The following CNTNAP2 variants were observed in gnomAD, a reference collection of about 807,000 sequenced individuals.
CNTNAP2 encodes the protein contactin associated protein 2.
CNTNAP2 carries 98 observed loss-of-function variants against 155.2 expected under a neutral mutation model. That is an observed-to-expected ratio of 0.63 (90% confidence interval 0.54 to 0.75). The LOEUF is 0.75. CNTNAP2 is among the 30% of genes least tolerant of loss of function. The pLI, the probability that CNTNAP2 is intolerant of heterozygous loss-of-function variation, is 0.00. For synonymous variants in CNTNAP2, 651 were observed against 631.2 expected, an observed-to-expected ratio of 1.03 and a Z score of -0.47; for missense variants, 1,727 against 1,688.1, an observed-to-expected ratio of 1.02 and a Z score of -0.40.
intron 12 of CNTNAP2, among the ~76,000 whole-genome samples, chr7:147,590,609 G>A (rs977887477): frequency 2.6e-5 from 4 of 152,074 alleles, no homozygotes; most frequent in Admixed American, 6.6e-5. Context: ...GCATGAGAAC[G>A]GACTAATATA....
chr7:147,781,458 G>A (rs1489661597), intron 13 of CNTNAP2, among the ~76,000 whole-genome samples: 4 of 152,194 alleles, frequency 2.6e-5, no homozygotes, highest in African/African-American at 9.7e-5. Context: ...AGCTTGGATA[G>A]TGCTGACGGG....
At chr7:146,571,743 T>A (rs1427914263) in intron 1 of CNTNAP2, among the ~76,000 whole-genome samples, 1 of 151,722 alleles carries the variant, frequency 6.6e-6, no homozygotes, top group Non-Finnish European at 1.5e-5. Context: ...TCTTTTTTTT[T>A]TTTTTTGAGA....
chr7:148,308,909 T>A (rs1230144300), intron 21 of CNTNAP2, among the ~76,000 whole-genome samples: 1 of 152,186 alleles, frequency 6.6e-6, no homozygotes, highest in Non-Finnish European at 1.5e-5. Context: ...CGTGAACTCA[T>A]CCTTTTTTAT....
intron 1 of CNTNAP2, among the ~76,000 whole-genome samples, chr7:146,388,710 C>G (rs956056487): frequency 1.3e-5 from 2 of 152,122 alleles, no homozygotes; most frequent in Non-Finnish European, 2.9e-5. Context: ...TTCATTCTTC[C>G]TATTATTTTT....
At chr7:147,549,514 G>T (rs1799809493) in intron 11 of CNTNAP2, among the ~76,000 whole-genome samples, 1 of 152,086 alleles carries the variant, frequency 6.6e-6, no homozygotes, top group East Asian at 1.9e-4. Context: ...AGATGATGGG[G>T]TTTTCTAAAT....
intron 1 of CNTNAP2, among the ~76,000 whole-genome samples, chr7:146,474,315 T>C (rs1796842818): frequency 6.7e-6 from 1 of 149,584 alleles, no homozygotes; most frequent in Non-Finnish European, 1.5e-5. Context: ...TATATTTCAT[T>C]TTCCCCAAAA....
At chr7:146,879,011 T>A (rs1562984405) in intron 3 of CNTNAP2, among the ~76,000 whole-genome samples, 1 of 152,208 alleles carries the variant, frequency 6.6e-6, no homozygotes, top group Non-Finnish European at 1.5e-5. Context: ...CTGTCTGGGT[T>A]GCTTTCAATC....
chr7:146,314,048 G>T (rs745849141), intron 1 of CNTNAP2, among the ~76,000 whole-genome samples: 4 of 152,104 alleles, frequency 2.6e-5, no homozygotes, highest in Non-Finnish European at 4.4e-5. Flanking sequence ...TATTTCTAGT[G>T]ATATGGGGTC....
intron 1 of CNTNAP2, among the ~76,000 whole-genome samples, chr7:146,363,960 G>T (rs1012923575): frequency 2.6e-5 from 4 of 152,064 alleles, no homozygotes; most frequent in Admixed American, 6.6e-5. Context: ...TAAATGGAAG[G>T]TTCAGCCTTT....
intron 21 of CNTNAP2, among the ~76,000 whole-genome samples, chr7:148,276,178 G>A (rs545961792): frequency 4.6e-5 from 7 of 152,258 alleles, no homozygotes; most frequent in Middle Eastern, 3.4e-3. Flanking sequence ...ATAGGACTAC[G>A]CAGTTGTATG....
chr7:147,801,262 G>A (rs538726033), intron 13 of CNTNAP2, among the ~76,000 whole-genome samples: 2 of 147,066 alleles, frequency 1.4e-5, no homozygotes, highest in South Asian at 4.3e-4. Flanking sequence ...CGTGTATCAT[G>A]TATATGCATG....
intron 14 of CNTNAP2, among the ~76,000 whole-genome samples, chr7:147,969,709 C>A (rs1049936790): frequency 6.6e-6 from 1 of 152,004 alleles, no homozygotes; most frequent in African/African-American, 2.4e-5. Flanking sequence ...TAAAAATTCG[C>A]CATACTTTTA....
intron 12 of CNTNAP2, among the ~76,000 whole-genome samples, chr7:147,579,560 G>A (rs894350879): frequency 1.3e-5 from 2 of 152,094 alleles, no homozygotes; most frequent in African/African-American, 2.4e-5. Flanking sequence ...ATTTCTGATA[G>A]ATAGTTAATT....
intron 13 of CNTNAP2, among the ~76,000 whole-genome samples, chr7:147,851,292 G>A (rs1798934535): frequency 6.6e-6 from 1 of 152,134 alleles, no homozygotes; most frequent in Non-Finnish European, 1.5e-5. Context: ...GAGAGGATGT[G>A]GAGAAATAGG....
chr7:147,854,687 G>C (rs1453017599), intron 13 of CNTNAP2, among the ~76,000 whole-genome samples: 1 of 152,080 alleles, frequency 6.6e-6, no homozygotes, highest in African/African-American at 2.4e-5. Flanking sequence ...CTGTGACAGA[G>C]GAATTGAATT....
At chr7:146,490,958 G>C (rs73741712) in intron 1 of CNTNAP2, among the ~76,000 whole-genome samples, 2 of 152,082 alleles carry the variant, frequency 1.3e-5, no homozygotes, top group African/African-American at 4.8e-5. Context: ...TATACCAATG[G>C]AAAAATATGC....
chr7:147,004,798 T>G (rs1238758147), intron 3 of CNTNAP2, among the ~76,000 whole-genome samples: 1 of 152,098 alleles, frequency 6.6e-6, no homozygotes, highest in Non-Finnish European at 1.5e-5. Flanking sequence ...CATACAGAAT[T>G]AATTAGCTTC....
chr7:147,625,335 G>T (rs1175912703), intron 12 of CNTNAP2, among the ~76,000 whole-genome samples: 1 of 152,044 alleles, frequency 6.6e-6, no homozygotes. Flanking sequence ...ATTACACATT[G>T]CATGCCTGTA....
chr7:146,572,971 A>G (rs1584987784), intron 1 of CNTNAP2, among the ~76,000 whole-genome samples: 2 of 151,536 alleles, frequency 1.3e-5, no homozygotes, highest in South Asian at 4.2e-4. Context: ...TTGTGTAGAT[A>G]AGCTGGAAAA....
Sources: gnomAD v4.1 joint callset for allele counts (sites outside exome capture counted in the v4.1 genomes callset) on GRCh38, gnomAD v4.1.1 for gene constraint, MANE v1.5 for transcripts, NCBI Gene and HGNC (gene_info 2026-07-23, HGNC 2026-07-21) for gene names.